Variants in ZNF385D observed in about 807,000 individuals in gnomAD.
ZNF385D encodes the protein zinc finger protein 385D.
ZNF385D carries 15 observed loss-of-function variants against 35.8 expected under a neutral mutation model. The observed-to-expected ratio is 0.42, with a 90% CI of 0.28 to 0.64. The LOEUF (loss-of-function observed/expected upper bound fraction) is 0.64, where lower values mean the gene tolerates loss of function less well. ZNF385D is among the 30% of genes least tolerant of loss of function. The probability of loss-of-function intolerance (pLI) is 0.23; values close to 1 mark genes in which losing one functional copy is unlikely to be tolerated. For missense variants in ZNF385D, 474 were observed against 494.6 expected (o/e 0.96, Z 0.39); for synonymous variants, 212 against 186.8 (o/e 1.13, Z -1.10).
chr3:21,611,318 A>T (rs1381905640), intron 2 of ZNF385D, among the ~76,000 whole-genome samples: 1 of 151,694 alleles, frequency 6.6e-6, no homozygotes, highest in East Asian at 1.9e-4. Flanking sequence ...AGGCTGAGGC[A>T]CAGGGAAGTT....
chr3:21,832,676 T>G (rs1303860298), intron 3 of ZNF385D, among the ~76,000 whole-genome samples: 1 of 152,162 alleles, frequency 6.6e-6, no homozygotes, highest in Non-Finnish European at 1.5e-5. Flanking sequence ...GGCTGAATGG[T>G]AAGGTCATGC....
chr3:22,279,579 C>CATATACATATGTACATATATATGT (rs1701625517), intron 2 of ZNF385D, among the ~76,000 whole-genome samples: 1 of 138,394 alleles, frequency 7.2e-6, no homozygotes, highest in East Asian at 2.0e-4. Context: ...TATGTATATA[C>CATATACATATGTACATATATATGT]ATATACATAT....
chr3:22,187,104 A>G (rs1695686918), intron 2 of ZNF385D, among the ~76,000 whole-genome samples: 2 of 152,128 alleles, frequency 1.3e-5, no homozygotes, highest in African/African-American at 4.8e-5. Context: ...CACACAATCT[A>G]ACATCTTCCC....
chr3:21,590,800 CAT>C (rs2063952272), intron 2 of ZNF385D, among the ~76,000 whole-genome samples: 1 of 152,090 alleles, frequency 6.6e-6, no homozygotes, highest in Admixed American at 6.6e-5. Context: ...AAATTAATCT[CAT>C]TTCCATTATA....
chr3:21,808,824 G>T (rs1575687987), intron 3 of ZNF385D, among the ~76,000 whole-genome samples: 1 of 152,180 alleles, frequency 6.6e-6, no homozygotes, highest in East Asian at 1.9e-4. Flanking sequence ...TCTGAGAATT[G>T]AACAATGATG....
chr3:21,800,692 C>T (rs2072356586), intron 3 of ZNF385D, among the ~76,000 whole-genome samples: 1 of 152,076 alleles, frequency 6.6e-6, no homozygotes, highest in South Asian at 2.1e-4. Context: ...CTAAGTTCCT[C>T]TTTGAATTGT....
At chr3:21,716,620 CT>C (rs562941575) in intron 1 of ZNF385D, among the ~76,000 whole-genome samples, 5 of 152,240 alleles carry the variant, frequency 3.3e-5, no homozygotes, top group Admixed American at 6.5e-5. Flanking sequence ...CAGAGTTCAC[CT>C]TTTCATTGAA....
intron 2 of ZNF385D, among the ~76,000 whole-genome samples, chr3:21,568,747 CATT>C (rs757279414): frequency 6.6e-6 from 1 of 152,086 alleles, no homozygotes; most frequent in African/African-American, 2.4e-5. Flanking sequence ...AATTTACCAT[CATT>C]GTTCAATGCA....
chr3:21,809,289 G>A lies in ZNF385D; in HGVS notation c.326-144261C>T, dbSNP rs367651739. 3.9e-5 allele frequency among the ~76,000 whole-genome samples: 6 copies of A among 151,906 alleles called. No homozygotes were observed. The South Asian group carries it at 1.0e-3, about 26-fold the overall frequency. ...TAGAAACTAAGGAGCTTTCAAGAAT[G>A]GAAAAAGCAACAAAAGTGGTAAATA... On this transcript the variant is annotated intron_variant, in intron 3 of 5. Coordinates refer to the ZNF385D transcript ENST00000494108.
chr3:21,962,918 T>C (rs189647678), intron 3 of ZNF385D, among the ~76,000 whole-genome samples: 287 of 152,362 alleles, frequency 1.9e-3, no homozygotes, highest in Non-Finnish European at 3.6e-3. Flanking sequence ...AGGGCGACCA[T>C]GTAATAACAC....
At chr3:21,441,146 T>G (rs1575149993) in intron 4 of ZNF385D, among the ~76,000 whole-genome samples, 1 of 152,164 alleles carries the variant, frequency 6.6e-6, no homozygotes, top group East Asian at 1.9e-4. Context: ...ATAATAACTA[T>G]TATTATAAAC....
intron 3 of ZNF385D, among the ~76,000 whole-genome samples, chr3:22,062,122 C>T (rs188034492): frequency 3.9e-4 from 60 of 152,244 alleles, no homozygotes; most frequent in Non-Finnish European, 6.8e-4. Flanking sequence ...CCTGCAGCCT[C>T]GACCTCCTAA....
chr3:21,861,128 G>A (rs1697029784), intron 3 of ZNF385D, among the ~76,000 whole-genome samples: 1 of 152,066 alleles, frequency 6.6e-6, no homozygotes, highest in African/African-American at 2.4e-5. Context: ...CAATGAGGTT[G>A]GCCAACTCAC....
intron 3 of ZNF385D, among the ~76,000 whole-genome samples, chr3:21,789,257 AG>A (rs1185525302): frequency 1.3e-5 from 2 of 152,190 alleles, no homozygotes; most frequent in African/African-American, 4.8e-5. Flanking sequence ...ATTCTAATTT[AG>A]AAATTTGAGA....
chr3:21,741,973 C>T (rs573086006), intron 1 of ZNF385D, among the ~76,000 whole-genome samples: 11 of 152,262 alleles, frequency 7.2e-5, no homozygotes, highest in South Asian at 2.1e-4. Context: ...GATGAAGTAA[C>T]GAAATGCTTC....
intron 3 of ZNF385D, among the ~76,000 whole-genome samples, chr3:22,038,701 T>C (rs1031644351): frequency 4.6e-5 from 7 of 151,924 alleles, no homozygotes; most frequent in Non-Finnish European, 7.4e-5. Context: ...AAAAGTTAAA[T>C]ATGTTAGCAT....
At chr3:22,222,248 C>T (rs909381307) in intron 2 of ZNF385D, among the ~76,000 whole-genome samples, 6 of 151,868 alleles carry the variant, frequency 4.0e-5, no homozygotes, top group African/African-American at 1.5e-4. Context: ...GGATAACAGG[C>T]ATGAGCCACG....
chr3:21,980,467 A>C (rs1052784157), intron 3 of ZNF385D, among the ~76,000 whole-genome samples: 7 of 152,310 alleles, frequency 4.6e-5, no homozygotes, highest in Middle Eastern at 6.8e-3. Flanking sequence ...GAAGTGAAAA[A>C]CAGTGTCATA....
chr3:22,167,026 C>T (rs946165628), intron 3 of ZNF385D, among the ~76,000 whole-genome samples: 1 of 152,194 alleles, frequency 6.6e-6, no homozygotes, highest in Non-Finnish European at 1.5e-5. Flanking sequence ...TCATGACTTA[C>T]TTTGCTAGTG....
Sources: allele counts gnomAD v4.1 joint callset (sites outside exome capture counted in the v4.1 genomes callset), GRCh38; gene constraint gnomAD v4.1.1; transcripts MANE v1.5; gene names NCBI Gene and HGNC (gene_info 2026-07-23, HGNC 2026-07-21).